NCKAP5: variants seen among roughly 807,000 people sequenced by gnomAD.
NCKAP5 encodes the protein NCK associated protein 5.
In NCKAP5, 92 loss-of-function variants were observed where a neutral mutation model predicts 167.0. The observed-to-expected ratio is 0.55, with a 90% confidence interval of 0.47 to 0.66. The LOEUF is 0.66. Ranked by LOEUF, NCKAP5 falls within the 30% of genes least tolerant of loss-of-function variation. NCKAP5 has a pLI of 0.00. For synonymous variants in NCKAP5, 891 were observed against 877.4 expected, an observed-to-expected ratio of 1.02 and a Z score of -0.27; for missense variants, 2,378 against 2,315.0, an observed-to-expected ratio of 1.03 and a Z score of -0.56.
chr2:132,836,712 AG>A (rs1198906807), intron 11 of NCKAP5, among the ~76,000 whole-genome samples: 1 of 152,014 alleles, frequency 6.6e-6, no homozygotes, highest in East Asian at 1.9e-4. Context: ...CTTCCCCCCA[AG>A]TCCCCAAAGT....
chr2:133,624,970 G>A, the NCKAP5 span, among the ~76,000 whole-genome samples: 1 of 152,148 alleles, frequency 6.6e-6, no homozygotes, highest in African/African-American at 2.4e-5. Flanking sequence ...CTGTATCTGG[G>A]CGGGTAGCAT....
At chr2:133,175,919 C>T (rs41482948) in intron 5 of NCKAP5, among the ~76,000 whole-genome samples, 1,652 of 152,262 alleles carry the variant, frequency 0.011, 26 homozygotes, top group African/African-American at 0.037. Flanking sequence ...CTTGCTTCCC[C>T]ATTATTAGCA....
chr2:133,454,695 A>G (rs543161306), intron 3 of NCKAP5, among the ~76,000 whole-genome samples: 1 of 152,160 alleles, frequency 6.6e-6, no homozygotes, highest in African/African-American at 2.4e-5. Context: ...ACTTTCTTAG[A>G]TGGTTCAACA....
chr2:132,763,824 C>T (rs1332922871), intron 16 of NCKAP5, among the ~76,000 whole-genome samples: 1 of 152,130 alleles, frequency 6.6e-6, no homozygotes, highest in Non-Finnish European at 1.5e-5. Context: ...TCTCTGCATC[C>T]TTGCTAGACT....
intron 3 of NCKAP5, among the ~76,000 whole-genome samples, chr2:133,405,925 A>T (rs920145230): frequency 6.6e-6 from 1 of 152,228 alleles, no homozygotes; most frequent in Admixed American, 6.5e-5. Context: ...TTAAGATGTC[A>T]TTTCTTGACA....
chr2:133,297,828 G>C (rs757269616), intron 4 of NCKAP5, among the ~76,000 whole-genome samples: 50 of 152,262 alleles, frequency 3.3e-4, no homozygotes, highest in Non-Finnish European at 6.0e-4. Context: ...GTTAACATTA[G>C]CAGCAATGAC....
rs76388933 is a variant in NCKAP5, at chr2:133,251,554, T to A, written c.144-37775A>T. On this transcript the variant is annotated intron_variant, in intron 4 of 19. Transcript: ENST00000409261. ...TTAGCACATAGCAGATGCCAAAGTA[T>A]AAAAAAAGCATATAAAATCATTCAT... 8.1e-3 allele frequency among the ~76,000 whole-genome samples: 822 copies of A among 101,156 alleles called. 9 individuals carry two copies. The highest frequency in any genetic ancestry group is 0.043 in the African/African-American group (780 of 18,046). The allele number at this position is 101,156 out of a possible 152,430, so 66.4% of individuals were successfully genotyped here.
intron 6 of NCKAP5, among the ~76,000 whole-genome samples, chr2:133,056,331 G>A (rs2079800190): frequency 1.3e-5 from 2 of 151,962 alleles, no homozygotes; most frequent in Admixed American, 6.6e-5. Flanking sequence ...CATATTATTA[G>A]TTTCAAATGA....
At chr2:133,377,791 A>C (rs1391062515) in intron 3 of NCKAP5, among the ~76,000 whole-genome samples, 1 of 152,200 alleles carries the variant, frequency 6.6e-6, no homozygotes, top group Middle Eastern at 3.2e-3. Flanking sequence ...AGAAGAAGGA[A>C]GTAAGAACTG....
rs1558943193 is a variant in NCKAP5 at position 132,920,767 on chromosome 2, GTATGTATATATA to G, written c.580-41863_580-41852del. On this transcript the variant is annotated intron_variant, in intron 8 of 19. Transcript: ENST00000409261. The stretch of plus-strand genomic sequence containing the variant: ...TGTGTATATATATATGTATATATAT[GTATGTATATATA>G]TATATATATATATATATATATATAT... 1.2e-3 allele frequency among the ~76,000 whole-genome samples: 37 copies of G among 31,254 alleles called. 1 individual carries two copies. The highest frequency in any genetic ancestry group is 4.2e-3 in the African/African-American group (35 of 8,430). The allele number at this position is 31,254 out of a possible 152,430, so 20.5% of individuals were successfully genotyped here. A position where few individuals can be genotyped will look rare whatever the true frequency, so the allele number is the denominator to read the frequency against.
At chr2:133,277,136 G>A (rs978888669) in intron 4 of NCKAP5, among the ~76,000 whole-genome samples, 14 of 152,272 alleles carry the variant, frequency 9.2e-5, no homozygotes, top group African/African-American at 3.4e-4. Flanking sequence ...ACAAGGCCAG[G>A]ATGTCCGCTG....
chr2:133,076,173 A>C (rs1382740074), intron 6 of NCKAP5, among the ~76,000 whole-genome samples: 1 of 152,228 alleles, frequency 6.6e-6, no homozygotes, highest in Admixed American at 6.5e-5. Flanking sequence ...AAATTTAAAA[A>C]ATAAATTAAA....
At position 132,784,440 on chromosome 2, in the gene NCKAP5, G is replaced by C; in HGVS notation, c.2371C>G (p.Pro791Ala). The change falls in exon 14 of 20, where the codon CCC becomes GCC. Residue 791 changes from proline to alanine, a missense_variant. By Grantham distance (27) the Pro-to-Ala change is conservative. Transcript: ENST00000409261. ...TTTTGCTTTTGATAGATGCCCATGG[G>C]TGCCGAAGACCTGGAATTACTCTGG... ...SCQSNSRSSA[P>A]MGIYQKQNLT... is the part of the protein sequence containing the mutation. The C allele has an allele frequency of 1.2e-6, 2 of 1,610,286 alleles. No homozygotes were observed. Among genetic ancestry groups the C allele is most frequent in the Non-Finnish European group, 1.7e-6 (2 of 1,178,468 alleles).
At chr2:132,948,107 A>G (rs1697896804) in intron 8 of NCKAP5, among the ~76,000 whole-genome samples, 1 of 152,196 alleles carries the variant, frequency 6.6e-6, no homozygotes, top group African/African-American at 2.4e-5. Context: ...GCAGACTTAG[A>G]TAACAATAAA....
At position 132,773,719 on chromosome 2, in the gene NCKAP5, A is replaced by T. The variant is rs1682293938; in HGVS notation, c.5128+97T>A. The T allele has an allele frequency of 2.2e-5, 21 of 965,908 alleles. No individual in the cohort carries two copies. The South Asian group carries it at 3.0e-4, about 14-fold the overall frequency. The allele number at this position is 965,908 out of a possible 1,614,324, so 59.8% of individuals were successfully genotyped here. On this transcript the variant is annotated intron_variant, in intron 16 of 19. Coordinates refer to ENST00000409261, the MANE Select transcript of NCKAP5 (RefSeq NM_207363.3). Reference sequence around the variant, plus strand: ...TGTGAATAGTTAACACTCAGTCTTGATAGAGGGACATGGTCTCTAGGAATG... The same window carrying T: ...TGTGAATAGTTAACACTCAGTCTTGTTAGAGGGACATGGTCTCTAGGAATG...
At chr2:133,450,118 C>A (rs1691455086) in intron 3 of NCKAP5, among the ~76,000 whole-genome samples, 1 of 151,992 alleles carries the variant, frequency 6.6e-6, no homozygotes, top group African/African-American at 2.4e-5. Context: ...CTCTTCTCAA[C>A]ACACACGCAC....
At chr2:133,040,147 A>G (rs559437341) in intron 6 of NCKAP5, among the ~76,000 whole-genome samples, 1 of 152,058 alleles carries the variant, frequency 6.6e-6, no homozygotes, top group East Asian at 1.9e-4. Context: ...CTGGAAATGG[A>G]GGAAAATGTG....
At chr2:133,248,081 A>T (rs2150324551) in intron 4 of NCKAP5, among the ~76,000 whole-genome samples, 1 of 152,320 alleles carries the variant, frequency 6.6e-6, no homozygotes, top group Middle Eastern at 3.4e-3. Context: ...TTAGGAAGGA[A>T]GTTGGCTGCA....
chr2:133,428,795 T>TA (rs1484125841), intron 3 of NCKAP5, among the ~76,000 whole-genome samples: 15 of 152,148 alleles, frequency 9.9e-5, no homozygotes, highest in Non-Finnish European at 1.9e-4. Flanking sequence ...AAATATAGGC[T>TA]ACTATAGTCA....
Sources: gnomAD v4.1 joint callset for allele counts (sites outside exome capture counted in the v4.1 genomes callset) on GRCh38, gnomAD v4.1.1 for gene constraint, MANE v1.5 for transcripts, NCBI Gene and HGNC (gene_info 2026-07-23, HGNC 2026-07-21) for gene names.